Variants in PTGER3 observed in about 807,000 individuals in gnomAD.
PTGER3 encodes the protein prostaglandin E2 receptor EP3 subtype.
Under a neutral mutation model 34.7 loss-of-function variants are expected in PTGER3, and 22 were observed. The ratio of observed to expected loss-of-function variants is 0.63; its 90% confidence interval spans 0.45 to 0.91. The LOEUF (loss-of-function observed/expected upper bound fraction) is 0.91. Among genes scored for constraint, PTGER3 ranks in the 40% least tolerant of loss-of-function variants. The pLI, the probability that PTGER3 is intolerant of heterozygous loss-of-function variation, is 0.00. For missense variants in PTGER3, 468 were observed against 519.4 expected (o/e 0.90, Z 0.96); for synonymous variants, 241 against 230.1 (o/e 1.05, Z -0.43).
chr1:70,942,571 C>T (rs1246509335), intron 4 of PTGER3, among the ~76,000 whole-genome samples: 1 of 152,136 alleles, frequency 6.6e-6, no homozygotes, highest in Non-Finnish European at 1.5e-5. Context: ...GGGTTATACC[C>T]TCTTCTTTAA....
rs569674940 is a variant in PTGER3, at chr1:70,873,590, T to TG, written c.*24-20732dup. ...TTTATTTTAATTTTCATAGGTTTTT[T>TG]GGGGGAACAGGTGGTGTTTGGTTAC... On this transcript the variant is annotated intron_variant, in intron 4 of 4. Transcript: ENST00000370931. 1.8e-4 allele frequency among the ~76,000 whole-genome samples: 27 copies of TG among 151,916 alleles called. No homozygotes were observed. In the South Asian group the frequency reaches 2.7e-3, roughly 15 times the overall value.
At chr1:71,009,524 C>T (rs1038620577) in intron 2 of PTGER3, 1 of 984,540 alleles carries the variant, frequency 1.0e-6, no homozygotes, top group Non-Finnish European at 1.2e-6. Context: ...GAAAAGTAAA[C>T]TGCTCTCATT....
At chr1:71,005,371 C>T (rs1346933401) in intron 2 of PTGER3, among the ~76,000 whole-genome samples, 2 of 152,200 alleles carry the variant, frequency 1.3e-5, no homozygotes, top group Non-Finnish European at 2.9e-5. Flanking sequence ...AAATATCCTA[C>T]AATGTCCTTC....
intron 1 of PTGER3, among the ~76,000 whole-genome samples, chr1:71,034,356 G>T (rs551990083): frequency 6.6e-6 from 1 of 152,224 alleles, no homozygotes; most frequent in East Asian, 1.9e-4. Context: ...TTTATAAGAT[G>T]ATATATATGC....
chr1:70,976,459 ATCTC>A (rs970804203), intron 2 of PTGER3, among the ~76,000 whole-genome samples: 1 of 152,002 alleles, frequency 6.6e-6, no homozygotes. Flanking sequence ...TCTGTGAAAA[ATCTC>A]TGCACTTCTC....
intron 4 of PTGER3, among the ~76,000 whole-genome samples, chr1:70,862,899 A>T (rs1365041792): frequency 6.6e-6 from 1 of 152,172 alleles, no homozygotes; most frequent in Non-Finnish European, 1.5e-5. Context: ...ATGGCACAAT[A>T]GATCTTTCAC....
chr1:70,933,688 T>A (rs1648942411), intron 4 of PTGER3, among the ~76,000 whole-genome samples: 1 of 152,190 alleles, frequency 6.6e-6, no homozygotes, highest in South Asian at 2.1e-4. Context: ...GGCAACAATT[T>A]GTCCTCTGGC....
At chr1:71,012,967 GA>G (rs1657578717) in intron 1 of PTGER3, among the ~76,000 whole-genome samples, 1 of 151,964 alleles carries the variant, frequency 6.6e-6, no homozygotes, top group Non-Finnish European at 1.5e-5. Context: ...AGCATTTTCA[GA>G]ATCCTTACTA....
intron 4 of PTGER3, among the ~76,000 whole-genome samples, chr1:70,926,360 C>A (rs1235281853): frequency 2.0e-5 from 3 of 152,126 alleles, no homozygotes; most frequent in African/African-American, 7.2e-5. Flanking sequence ...TTTCATTGAG[C>A]AGTGGTTTAT....
chr1:70,893,649 C>T (rs1005865610), intron 4 of PTGER3, among the ~76,000 whole-genome samples: 1 of 152,140 alleles, frequency 6.6e-6, no homozygotes, highest in Non-Finnish European at 1.5e-5. Flanking sequence ...TGAGTAAGAA[C>T]TCTTCCCTGA....
chr1:70,872,717 T>C (rs550789424), intron 4 of PTGER3, among the ~76,000 whole-genome samples: 1 of 152,266 alleles, frequency 6.6e-6, no homozygotes, highest in South Asian at 2.1e-4. Context: ...TTAACAAAAA[T>C]TGTTCTCATA....
At chr1:70,898,636 C>T (rs1157720244) in intron 4 of PTGER3, among the ~76,000 whole-genome samples, 5 of 152,174 alleles carry the variant, frequency 3.3e-5, no homozygotes, top group Non-Finnish European at 7.4e-5. Flanking sequence ...CACTGGGCCA[C>T]TTACTAGCTA....
chr1:70,865,371 A>G (rs1358073457), intron 4 of PTGER3, among the ~76,000 whole-genome samples: 1 of 151,774 alleles, frequency 6.6e-6, no homozygotes, highest in Non-Finnish European at 1.5e-5. Flanking sequence ...GTGAGCTGGA[A>G]ATAGAGAGAC....
intron 1 of PTGER3, among the ~76,000 whole-genome samples, chr1:71,037,152 A>C (rs1213158638): frequency 3.9e-5 from 6 of 152,174 alleles, no homozygotes; most frequent in Non-Finnish European, 8.8e-5. Context: ...TCCTGCCCAC[A>C]TGAGGCCAAT....
At chr1:70,878,601 C>T (rs900822273) in intron 4 of PTGER3, among the ~76,000 whole-genome samples, 14 of 152,044 alleles carry the variant, frequency 9.2e-5, no homozygotes, top group Admixed American at 6.6e-4. Context: ...TTTATATGAG[C>T]GTTTAATGCC....
At chr1:70,949,745 T>C (rs147739650), downstream of PTGER3, among the ~76,000 whole-genome samples, 626 of 152,290 alleles carry the variant, frequency 4.1e-3, 4 homozygotes, top group African/African-American at 0.014. Context: ...GGTAGCACTG[T>C]TCAATACAAC....
intron 2 of PTGER3, among the ~76,000 whole-genome samples, chr1:70,996,647 A>T (rs56358048): frequency 7.3e-6 from 1 of 136,196 alleles, no homozygotes; most frequent in Admixed American, 7.5e-5. Flanking sequence ...ATTTTTATTT[A>T]TTTATTTATT....
intron 1 of PTGER3, among the ~76,000 whole-genome samples, chr1:71,034,083 A>T (rs1366480148): frequency 6.6e-6 from 1 of 152,102 alleles, no homozygotes; most frequent in Non-Finnish European, 1.5e-5. Flanking sequence ...TTATCTGGCC[A>T]GCATTTTGAT....
intron 1 of PTGER3, among the ~76,000 whole-genome samples, chr1:71,029,849 C>T (rs1659245397): frequency 6.6e-6 from 1 of 151,732 alleles, no homozygotes; most frequent in South Asian, 2.1e-4. Flanking sequence ...TCACTTGAAC[C>T]TGGGAGGTGG....
Sources: allele counts gnomAD v4.1 joint callset (sites outside exome capture counted in the v4.1 genomes callset), GRCh38; gene constraint gnomAD v4.1.1; transcripts MANE v1.5; gene names NCBI Gene and HGNC (gene_info 2026-07-23, HGNC 2026-07-21).